The following COX19 variants were observed in gnomAD, a reference collection of about 807,000 sequenced individuals.
COX19 encodes the protein cytochrome c oxidase assembly factor COX19, also known as cytochrome c oxidase assembly protein COX19.
In COX19, 8 loss-of-function variants were observed where a neutral mutation model predicts 6.8. That is an observed-to-expected ratio of 1.18 (90% confidence interval 0.69 to 2.12). The LOEUF (loss-of-function observed/expected upper bound fraction) is 2.12, where lower values mean the gene tolerates loss of function less well. Among genes scored for constraint, COX19 ranks in the 30% most tolerant of loss-of-function variants. The pLI is 0.00. For missense variants in COX19, 131 were observed against 104.6 expected (o/e 1.25, Z -1.10); for synonymous variants, 51 against 38.0 (o/e 1.34, Z -1.26).
At chr7:973,816 A>G (rs1039756029) in intron 1 of COX19, among the ~76,000 whole-genome samples, 5 of 151,574 alleles carry the variant, frequency 3.3e-5, no homozygotes, top group African/African-American at 1.2e-4. Context: ...AAATACAAAA[A>G]TTAGCCGGGC....
intron 1 of COX19, chr7:974,866 C>T (rs1583204773): frequency 6.6e-6 from 1 of 152,342 alleles, no homozygotes; most frequent in Non-Finnish European, 1.5e-5. Flanking sequence ...CCATGTTGGG[C>T]AGGCTGGTCT....
chr7:975,183 G>C, intron 1 of COX19: 1 of 428,216 alleles, frequency 2.3e-6, no homozygotes, highest in South Asian at 4.7e-5. Context: ...CGGAGACCCG[G>C]AAGCCTGACG....
At chr7:972,427 T>C (rs1198615642) in intron 2 of COX19, among the ~76,000 whole-genome samples, 1 of 152,210 alleles carries the variant, frequency 6.6e-6, no homozygotes, top group Non-Finnish European at 1.5e-5. Context: ...GAGTATGTTA[T>C]GGGAACATGA....
chr7:975,099 G>A (rs1225318752), intron 1 of COX19: 5 of 303,688 alleles, frequency 1.6e-5, no homozygotes, highest in Non-Finnish European at 1.8e-5. Flanking sequence ...GCAGCTGCGG[G>A]CTTCGTGGCC....
Position 967,380 on chromosome 7 carries a change from T to C in COX19, c.*1998A>G, listed in dbSNP as rs151023526. On this transcript the variant is annotated 3_prime_UTR_variant, in exon 3 of 3. Transcript: ENST00000344111. Reference sequence around the variant, plus strand: ...TACACCTGGCTCTCATCATCCACGATGTATTTCTAGTTTTTTCCATCTCAG... The same window carrying C: ...TACACCTGGCTCTCATCATCCACGACGTATTTCTAGTTTTTTCCATCTCAG... 13 of 152,346 alleles carry C rather than the reference T, an allele frequency of 8.5e-5. No homozygotes were observed. The highest frequency in any genetic ancestry group is 2.9e-4 in the African/African-American group (12 of 41,566). The allele number at this position is 152,346 out of a possible 1,614,324, so 9.4% of individuals were successfully genotyped here.
At chr7:969,956 ATTTT>A (rs58481554) in intron 2 of COX19, among the ~76,000 whole-genome samples, 5 of 117,546 alleles carry the variant, frequency 4.3e-5, no homozygotes, top group African/African-American at 1.0e-4. Flanking sequence ...GTTATCTGAT[ATTTT>A]TTTTTTTTTT....
At position 965,827 on chromosome 7, in the gene COX19, C is replaced by T. The variant is rs1040762891; in HGVS notation, c.*3551G>A. Among the ~76,000 whole-genome samples, 2 of 152,202 alleles carry T rather than the reference C, an allele frequency of 1.3e-5. No individual in the cohort carries two copies. Among genetic ancestry groups the T allele is most frequent in the Non-Finnish European group, 2.9e-5 (2 of 68,048 alleles). The stretch of plus-strand genomic sequence containing the variant: ...CTAATTTTTGTATTTTTAGTAGAGA[C>T]AGGGTTTCTCCATGTTGGCCAGGCT... On this transcript the variant is annotated 3_prime_UTR_variant, in exon 3 of 3. Coordinates refer to ENST00000344111, the MANE Select transcript of COX19 (RefSeq NM_001031617.3).
At chr7:975,171 G>C in intron 1 of COX19, 1 of 417,752 alleles carries the variant, frequency 2.4e-6, no homozygotes, top group Non-Finnish European at 4.3e-6. Context: ...TCAGGGCGGA[G>C]CCGGAGACCC....
rs1183553186 is a variant in COX19, at chr7:969,162, C to T, written c.*216G>A. On this transcript the variant is annotated 3_prime_UTR_variant, in exon 3 of 3. Transcript: ENST00000344111. ...GCCTCCCTCCCAGCTTTGCCGGGAA[C>T]GCCGTCCCACTCAGGGGTTCAATGC... 3.8e-6 allele frequency: 2 copies of T among 519,724 alleles called. No individual in the cohort carries two copies. Among genetic ancestry groups the T allele is most frequent in the South Asian group, 2.6e-5 (1 of 37,812 alleles). The allele number at this position is 519,724 out of a possible 1,614,324, so 32.2% of individuals were successfully genotyped here.
intron 2 of COX19, among the ~76,000 whole-genome samples, chr7:970,194 G>A (rs1286224496): frequency 6.6e-6 from 1 of 151,606 alleles, no homozygotes; most frequent in East Asian, 1.9e-4. Context: ...GAGTGCAGTG[G>A]TGCAATCTCG....
intron 1 of COX19, among the ~76,000 whole-genome samples, chr7:973,856 C>A (rs1227904979): frequency 1.3e-5 from 2 of 151,500 alleles, no homozygotes; most frequent in African/African-American, 4.9e-5. Flanking sequence ...GTCCCAGCTA[C>A]TCGGGAGGCT....
At chr7:971,357 T>C (rs960813699) in intron 2 of COX19, among the ~76,000 whole-genome samples, 3 of 151,330 alleles carry the variant, frequency 2.0e-5, no homozygotes, top group South Asian at 2.1e-4. Flanking sequence ...CACACGGAGG[T>C]TGGAGTAAAG....
At chr7:970,471 C>G (rs1341583067) in intron 2 of COX19, among the ~76,000 whole-genome samples, 1 of 138,402 alleles carries the variant, frequency 7.2e-6, no homozygotes, top group Non-Finnish European at 1.5e-5. Context: ...GAGACGGAGT[C>G]CTACTCTGTT....
In COX19 at chr7:973,288, T is replaced by G; in HGVS notation, c.87A>C (p.Glu29Asp). Residue 29 changes from glutamate to aspartate, a missense_variant, in exon 2 of 3, where the codon GAA (glutamate) becomes GAC (aspartate). Glu to Asp is a conservative substitution (Grantham distance 45). Transcript: ENST00000344111. ...TGAATTTCTCTTTAAAGCTTTTACA[T>G]TCACCTAGAACGAGAAAGAAAACAG... ...KGSFPLDHLG[E>D]CKSFKEKFMK... 6.3e-7 allele frequency: 1 copy of G among 1,590,130 alleles called. No individual in the cohort carries two copies. The highest frequency in any genetic ancestry group is 8.5e-7 in the Non-Finnish European group (1 of 1,170,258).
intron 1 of COX19, 96 bp from the exon 2 acceptor site, chr7:973,388 C>T (rs1847661675): frequency 7.2e-7 from 1 of 1,398,236 alleles, no homozygotes; most frequent in Non-Finnish European, 9.3e-7. Context: ...CCTTTCAAAA[C>T]TTGTTTCCTC....
rs1847599950 is a variant in COX19 at position 969,104 on chromosome 7, C to T, written c.*274G>A. 5 of 379,690 alleles carry T rather than the reference C, an allele frequency of 1.3e-5. No homozygotes were observed. The highest frequency in any genetic ancestry group is 4.6e-5 in the South Asian group (1 of 21,940). The allele number at this position is 379,690 out of a possible 1,614,324, so 23.5% of individuals were successfully genotyped here. On this transcript the variant is annotated 3_prime_UTR_variant, in exon 3 of 3. Transcript: ENST00000344111. ...AAAACCGCCCCATACAAGAGGGCCC[C>T]GGCCTCGAAGACAAGGGTCTTGCCC...
chr7:975,450 G>A lies in COX19; in HGVS notation c.60C>T (p.Gly20=), dbSNP rs764913858. The A allele has an allele frequency of 1.3e-6, 2 of 1,599,978 alleles. No homozygotes were observed. The highest frequency in any genetic ancestry group is 1.4e-5 in the African/African-American group (1 of 72,822). Residue 20 remains glycine (G), a synonymous_variant, in exon 1 of 3, where the codon GGC becomes GGT. Transcript: ENST00000344111. ...KSFQPRPPDK[G]SFPLDHLGEC... ...CACCTAAGTGATCCAGCGGGAAGCT[G>A]CCCTTGTCCGGGGGCCGCGGCTGGA...
chr7:974,320 G>A lies in COX19; in HGVS notation c.83-1028C>T, dbSNP rs976661730. Among the ~76,000 whole-genome samples, 6 of 151,700 alleles carry A rather than the reference G, an allele frequency of 4.0e-5. No individual in the cohort carries two copies. The East Asian group carries it at 9.7e-4, about 25-fold the overall frequency. On this transcript the variant is annotated intron_variant, in intron 1 of 2. Coordinates refer to ENST00000344111, the MANE Select transcript of COX19 (RefSeq NM_001031617.3). ...ACCTATAGTCCCAGCTACTCTAGAG[G>A]ATGAGACGGGAGACTCCCCTGAGTC...
intron 1 of COX19, 77 bp downstream of exon 1, chr7:975,351 C>A: frequency 1.7e-6 from 2 of 1,182,726 alleles, no homozygotes; most frequent in Non-Finnish European, 2.4e-6. Context: ...GATGCCGGCA[C>A]CCCATAGGGC....
Sources: allele counts gnomAD v4.1 joint callset (sites outside exome capture counted in the v4.1 genomes callset), GRCh38; gene constraint gnomAD v4.1.1; transcripts MANE v1.5; gene names NCBI Gene and HGNC (gene_info 2026-07-23, HGNC 2026-07-21).